Variants in SDK1 observed in about 807,000 individuals in gnomAD.
SDK1 encodes sidekick cell adhesion molecule 1, also known as protein sidekick-1.
Under a neutral mutation model 245.5 loss-of-function variants are expected in SDK1, and 157 were observed. That is an observed-to-expected ratio of 0.64 (90% confidence interval 0.56 to 0.73). SDK1 has a LOEUF of 0.73. SDK1 is among the 30% of genes least tolerant of loss of function. The pLI, the probability that SDK1 is intolerant of heterozygous loss-of-function variation, is 0.00. For synonymous variants in SDK1, 1,647 were observed against 1,278.5 expected, an observed-to-expected ratio of 1.29 and a Z score of -6.15; for missense variants, 3,583 against 3,002.3, an observed-to-expected ratio of 1.19 and a Z score of -4.52.
chr7:4,079,819 A>G (rs796923321), intron 22 of SDK1, among the ~76,000 whole-genome samples: 8 of 152,338 alleles, frequency 5.3e-5, no homozygotes, highest in African/African-American at 1.9e-4. Flanking sequence ...GAAGGGTTAA[A>G]ATGAAAGTTG....
At chr7:3,617,415 C>T (rs1218514003) in intron 1 of SDK1, among the ~76,000 whole-genome samples, 1 of 152,124 alleles carries the variant, frequency 6.6e-6, no homozygotes, top group East Asian at 1.9e-4. Context: ...GCAGGAGGAG[C>T]TTTAGTTAAC....
At chr7:4,085,438 G>C (rs1023550003) in intron 22 of SDK1, among the ~76,000 whole-genome samples, 16 of 152,122 alleles carry the variant, frequency 1.1e-4, no homozygotes, top group Non-Finnish European at 2.4e-4. Context: ...TAAAGCCACT[G>C]TTCTTTTCTC....
At chr7:3,649,127 G>T (rs939920501) in intron 4 of SDK1, among the ~76,000 whole-genome samples, 7 of 152,108 alleles carry the variant, frequency 4.6e-5, no homozygotes, top group African/African-American at 1.7e-4. Flanking sequence ...GGTGTGTTCT[G>T]ATATGAAGCA....
chr7:3,576,857 T>A (rs1392107767), intron 1 of SDK1, among the ~76,000 whole-genome samples: 1 of 152,056 alleles, frequency 6.6e-6, no homozygotes, highest in Non-Finnish European at 1.5e-5. Flanking sequence ...AAAGCAGAAG[T>A]TGGTTACTAT....
rs1780798342 is a variant in SDK1 at position 3,865,445 on chromosome 7, G to A, written c.847+43862G>A. Among the ~76,000 whole-genome samples the A allele has an allele frequency of 3.3e-5, 5 of 152,330 alleles. No individual in the cohort carries two copies. In the South Asian group the frequency reaches 8.3e-4, roughly 25 times the overall value. ...ATTTACAAATATGTATGCTTTGTAGGCAGAAATGAAAGAATAGCCACCAGA... is the reference window on the plus strand; with the variant it reads ...ATTTACAAATATGTATGCTTTGTAGACAGAAATGAAAGAATAGCCACCAGA... On this transcript the variant is annotated intron_variant, in intron 5 of 44. Transcript: ENST00000404826.
At chr7:3,595,280 TTA>T (rs914748649) in intron 1 of SDK1, among the ~76,000 whole-genome samples, 3 of 152,104 alleles carry the variant, frequency 2.0e-5, no homozygotes, top group African/African-American at 7.2e-5. Context: ...ATTCGTAACT[TTA>T]TGATATTTTG....
chr7:3,363,576 A>C (rs1781009994), intron 1 of SDK1, among the ~76,000 whole-genome samples: 1 of 152,152 alleles, frequency 6.6e-6, no homozygotes, highest in African/African-American at 2.4e-5. Flanking sequence ...CTTCAAAGAC[A>C]GTTTTTCCAT....
intron 2 of SDK1, among the ~76,000 whole-genome samples, chr7:3,629,811 A>G (rs1279023138): frequency 6.6e-6 from 1 of 152,244 alleles, no homozygotes; most frequent in African/African-American, 2.4e-5. Flanking sequence ...GCAGGAAAGC[A>G]TGACCCATAA....
rs1427926943 is a variant in SDK1, at chr7:3,301,718, C to T, written c.132C>T (p.Pro44=). The T allele has an allele frequency of 6.1e-6, 6 of 976,596 alleles. No homozygotes were observed. Among genetic ancestry groups the T allele is most frequent in the Non-Finnish European group, 4.8e-6 (4 of 825,788 alleles). 60.5% of individuals were successfully genotyped at this position (976,596 alleles called of 1,614,324 possible). The change falls in exon 1 of 45, where the codon CCC becomes CCT. Residue 44 remains proline (P), a synonymous_variant. Transcript: ENST00000404826. The stretch of plus-strand genomic sequence containing the variant: ...CCCGCCCCTCGCTGGCGCCGCGCCC[C>T]GGCCCGGAGCCCTCGCGACCCCGGG... ...GRARPSLAPR[P]GPEPSRPRAA...
intron 5 of SDK1, among the ~76,000 whole-genome samples, chr7:3,921,915 G>A (rs906208031): frequency 4.6e-5 from 7 of 151,798 alleles, no homozygotes; most frequent in African/African-American, 1.5e-4. Context: ...GTGGTGAACC[G>A]AGATCACACC....
intron 41 of SDK1, among the ~76,000 whole-genome samples, chr7:4,236,576 G>A (rs1786181947): frequency 6.6e-6 from 1 of 152,044 alleles, no homozygotes; most frequent in Non-Finnish European, 1.5e-5. Flanking sequence ...TTGCGGCGGG[G>A]GCTTCCATAG....
chr7:4,118,919 A>G (rs921694258), intron 25 of SDK1, among the ~76,000 whole-genome samples: 2 of 148,684 alleles, frequency 1.3e-5, no homozygotes, highest in Admixed American at 6.7e-5. Flanking sequence ...TCCTAGACTA[A>G]GAGAGAGCAT....
Position 3,301,769 on chromosome 7 carries a change from C to T in SDK1, c.183C>T (p.Asp61=). Residue 61 remains aspartate, a synonymous_variant, in exon 1 of 45, where the codon GAC becomes GAT. Coordinates refer to ENST00000404826, the MANE Select transcript of SDK1 (RefSeq NM_152744.4). ...PRAAPETSGG[D]TAGAGRCGGR... is the part of the protein sequence containing the mutation. ...CGGCGCCCGAGACCTCCGGCGGGGA[C>T]ACGGCGGGCGCGGGGCGGTGCGGCG... The T allele has an allele frequency of 2.0e-6, 2 of 990,918 alleles. No individual in the cohort carries two copies. The highest frequency in any genetic ancestry group is 9.0e-5 in the South Asian group (2 of 22,116). The allele number at this position is 990,918 out of a possible 1,614,324, so 61.4% of individuals were successfully genotyped here. A position where few individuals can be genotyped will look rare whatever the true frequency, so the allele number is the denominator to read the frequency against.
chr7:4,190,293 C>T (rs1053734259), intron 35 of SDK1, among the ~76,000 whole-genome samples: 10 of 152,212 alleles, frequency 6.6e-5, no homozygotes, highest in Non-Finnish European at 7.3e-5. Context: ...CACAGTCTCT[C>T]CAACTGATGC....
intron 1 of SDK1, among the ~76,000 whole-genome samples, chr7:3,357,328 GTTTTTTTTTTTTTTTTTTTTTTTTT>G (rs560124026): frequency 2.5e-4 from 13 of 52,944 alleles, no homozygotes; most frequent in South Asian, 7.3e-4. Flanking sequence ...TTCTTTTAGT[GTTTTTTTTTTTTTTTTTTTTTTTTT>G]TTTTTTTTTT....
At chr7:3,662,200 G>C (rs531521334) in intron 4 of SDK1, among the ~76,000 whole-genome samples, 2 of 152,194 alleles carry the variant, frequency 1.3e-5, no homozygotes, top group Non-Finnish European at 2.9e-5. Context: ...ATAACAATAG[G>C]TAAAATGGAA....
In SDK1 at chr7:4,012,209, C is replaced by T. The variant is rs147964405; in HGVS notation, c.2394C>T (p.Asn798=). ...QWQPPPETEH[N]GVLRGYILRY... is the part of the protein sequence containing the mutation. ...AGCCACCCCCAGAAACAGAGCACAA[C>T]GGGGTGTTGCGTGGATACATCCTCA... Residue 798 remains asparagine (N), a synonymous_variant, in exon 16 of 45, where the codon AAC becomes AAT. Transcript: ENST00000404826. 8.0e-3 allele frequency: 12,419 copies of T among 1,546,126 alleles called. 59 individuals are homozygous for T. Among genetic ancestry groups the T allele is most frequent in the Non-Finnish European group, 9.1e-3 (10,425 of 1,148,352 alleles).
intron 4 of SDK1, among the ~76,000 whole-genome samples, chr7:3,693,008 T>C (rs1019311027): frequency 5.9e-5 from 9 of 152,096 alleles, no homozygotes; most frequent in Admixed American, 5.9e-4. Context: ...TCTGTTGAGA[T>C]GATAGCCTTT....
At chr7:3,646,487 C>G (rs984623025) in intron 4 of SDK1, among the ~76,000 whole-genome samples, 2 of 152,118 alleles carry the variant, frequency 1.3e-5, no homozygotes, top group East Asian at 3.8e-4. Flanking sequence ...GTATAATTAG[C>G]TCTATGTATA....
Sources: allele counts gnomAD v4.1 joint callset (sites outside exome capture counted in the v4.1 genomes callset), GRCh38; gene constraint gnomAD v4.1.1; transcripts MANE v1.5; gene names NCBI Gene and HGNC (gene_info 2026-07-23, HGNC 2026-07-21).